CREB5: variants seen among roughly 807,000 people sequenced by gnomAD.
CREB5 encodes cyclic AMP-responsive element-binding protein 5.
Under a neutral mutation model 57.1 loss-of-function variants are expected in CREB5, and 19 were observed. The ratio of observed to expected loss-of-function variants is 0.33; its 90% CI spans 0.23 to 0.49. The LOEUF (loss-of-function observed/expected upper bound fraction) is 0.49, where lower values mean the gene tolerates loss of function less well. CREB5 is among the 20% of genes least tolerant of loss of function. The pLI is 0.99. For missense variants in CREB5, 579 were observed against 671.6 expected (o/e 0.86, Z 1.52); for synonymous variants, 238 against 238.3 (o/e 1.00, Z 0.01).
Position 28,455,571 on chromosome 7 carries a change from A to T in CREB5, c.4-32604A>T, listed in dbSNP as rs183567021. On this transcript the variant is annotated intron_variant, in intron 1 of 10. Coordinates refer to ENST00000357727, the MANE Select transcript of CREB5 (RefSeq NM_182898.4). ...AGTGGCAAGAGATTCAGAATCACAG[A>T]TAGGTATGAGCCTGGCAGAGGATAC... Among the ~76,000 whole-genome samples the T allele has an allele frequency of 5.3e-5, 8 of 152,342 alleles. No individual in the cohort carries two copies. In the East Asian group the frequency reaches 1.2e-3, roughly 22 times the overall value.
In CREB5 at chr7:28,608,966, C is replaced by T. The variant is rs148646696; in HGVS notation, c.464+38429C>T. 5 of 152,276 alleles carry T rather than the reference C, an allele frequency of 3.3e-5. No individual in the cohort carries two copies. The East Asian group carries it at 5.8e-4, about 18-fold the overall frequency. The allele number at this position is 152,276 out of a possible 1,614,324, so 9.4% of individuals were successfully genotyped here. On this transcript the variant is annotated intron_variant, in intron 5 of 10. Coordinates refer to ENST00000357727, the MANE Select transcript of CREB5 (RefSeq NM_182898.4). ...TAGCGATTAGTCATCAGTGTTCATT[C>T]GTGATCTATGACCTGCTTGTATATC...
chr7:28,669,184 T>A (rs1214133150), intron 5 of CREB5, among the ~76,000 whole-genome samples: 2 of 152,174 alleles, frequency 1.3e-5, no homozygotes, highest in Non-Finnish European at 2.9e-5. Flanking sequence ...GTAGGGAAGA[T>A]CAAGATGTAT....
chr7:28,306,568 T>TTGTTTG (rs1785190996), intron 1 of CREB5, among the ~76,000 whole-genome samples: 6 of 132,780 alleles, frequency 4.5e-5, no homozygotes, highest in Admixed American at 2.3e-4. Context: ...TTTTTTTTTT[T>TTGTTTG]TTTTTTTTTT....
intron 7 of CREB5, among the ~76,000 whole-genome samples, chr7:28,791,158 C>A (rs978012800): frequency 6.6e-6 from 1 of 152,096 alleles, no homozygotes; most frequent in Admixed American, 6.5e-5. Context: ...GTGGACAATT[C>A]TCCAAAAAAA....
At chr7:28,421,126 A>G (rs954938367) in intron 1 of CREB5, among the ~76,000 whole-genome samples, 9 of 152,114 alleles carry the variant, frequency 5.9e-5, no homozygotes, top group Non-Finnish European at 8.8e-5. Flanking sequence ...GGTGATTCCT[A>G]TTCCTCCCCC....
At position 28,516,438 on chromosome 7, in the gene CREB5, T is replaced by G. The variant is rs150001415; in HGVS notation, c.291+8701T>G. Among the ~76,000 whole-genome samples the G allele has an allele frequency of 1.4e-4, 22 of 152,236 alleles. No individual in the cohort carries two copies. In the East Asian group the frequency reaches 4.1e-3, roughly 28 times the overall value. ...TCAGTTAATCCTGGTGCTACAACATTGGGACTGAAGTGGGGGCAATAAATG... is the reference window on the plus strand; with the variant it reads ...TCAGTTAATCCTGGTGCTACAACATGGGGACTGAAGTGGGGGCAATAAATG... On this transcript the variant is annotated intron_variant, in intron 4 of 10. Coordinates refer to ENST00000357727, the MANE Select transcript of CREB5 (RefSeq NM_182898.4).
intron 6 of CREB5, among the ~76,000 whole-genome samples, chr7:28,721,931 C>T (rs1346309409): frequency 6.6e-6 from 1 of 152,224 alleles, no homozygotes; most frequent in Non-Finnish European, 1.5e-5. Flanking sequence ...GCTATTTTAC[C>T]TGCAGTGCTA....
chr7:28,489,726 T>A (rs369484322), intron 2 of CREB5, among the ~76,000 whole-genome samples: 1 of 152,138 alleles, frequency 6.6e-6, no homozygotes, highest in East Asian at 1.9e-4. Flanking sequence ...ACAACCAGAG[T>A]CCTTTGCTCA....
At chr7:28,543,772 A>T (rs1160999927) in intron 4 of CREB5, among the ~76,000 whole-genome samples, 2 of 151,822 alleles carry the variant, frequency 1.3e-5, no homozygotes, top group Admixed American at 6.6e-5. Context: ...TGCAAATGTT[A>T]TCACAGTGCC....
intron 1 of CREB5, among the ~76,000 whole-genome samples, chr7:28,330,109 C>A (rs6977728): frequency 0.21 from 31,916 of 152,128 alleles, 3,481 homozygotes; most frequent in Non-Finnish European, 0.24. Context: ...CCACAGGTTT[C>A]AAAGGACATC....
chr7:28,370,049 G>C (rs564700699), intron 1 of CREB5, among the ~76,000 whole-genome samples: 4 of 152,216 alleles, frequency 2.6e-5, no homozygotes, highest in African/African-American at 2.4e-5. Flanking sequence ...AAAACCCATA[G>C]CTAGAAGTGA....
chr7:28,652,064 TAAAATAGCC>T (rs1301778227), intron 5 of CREB5, among the ~76,000 whole-genome samples: 47 of 152,306 alleles, frequency 3.1e-4, no homozygotes, highest in Admixed American at 5.2e-4. Flanking sequence ...ACAAATGTGT[TAAAATAGCC>T]AAATTATAAA....
At chr7:28,524,357 ACACG>A (rs1454007390) in intron 4 of CREB5, among the ~76,000 whole-genome samples, 1 of 144,940 alleles carries the variant, frequency 6.9e-6, no homozygotes, top group African/African-American at 2.7e-5. Flanking sequence ...ACACACACAC[ACACG>A]GCAGATGTGG....
chr7:28,367,990 C>T (rs188827826), intron 1 of CREB5, among the ~76,000 whole-genome samples: 67 of 152,260 alleles, frequency 4.4e-4, no homozygotes, highest in African/African-American at 1.6e-3. Context: ...TTCATTCTGC[C>T]ATACCCCACC....
At position 28,611,379 on chromosome 7, in the gene CREB5, C is replaced by T. The variant is rs200046007; in HGVS notation, c.464+40842C>T. Among the ~76,000 whole-genome samples the T allele has an allele frequency of 2.7e-5, 4 of 149,656 alleles. No homozygotes were observed. The East Asian group carries it at 8.0e-4, about 30-fold the overall frequency. On this transcript the variant is annotated intron_variant, in intron 5 of 10. Coordinates refer to ENST00000357727, the MANE Select transcript of CREB5 (RefSeq NM_182898.4). ...ACATATGCCAGGTAGAGGCCGGGCA[C>T]AGTGGCTCACACCTGTAATCCCAGC...
At chr7:28,601,169 A>ATT (rs577879373) in intron 5 of CREB5, among the ~76,000 whole-genome samples, 2 of 144,878 alleles carry the variant, frequency 1.4e-5, no homozygotes, top group African/African-American at 5.1e-5. Context: ...TATTATTATT[A>ATT]TTTTTTTTTT....
intron 9 of CREB5, among the ~76,000 whole-genome samples, chr7:28,815,529 C>T (rs1809387341): frequency 6.6e-6 from 1 of 152,150 alleles, no homozygotes; most frequent in Non-Finnish European, 1.5e-5. Flanking sequence ...GACTAGTGCT[C>T]TTTTTATAGT....
chr7:28,450,275 A>G (rs1201694667), intron 1 of CREB5, among the ~76,000 whole-genome samples: 1 of 152,166 alleles, frequency 6.6e-6, no homozygotes, highest in African/African-American at 2.4e-5. Context: ...TACTTATAAT[A>G]TGCCTAGCTG....
intron 6 of CREB5, 129 bp downstream of exon 6, chr7:28,719,008 G>A: frequency 6.9e-7 from 1 of 1,440,548 alleles, no homozygotes; most frequent in Non-Finnish European, 9.3e-7. Context: ...ATGGAGGGTT[G>A]AGCTGTGTGC....
Sources: allele counts gnomAD v4.1 joint callset (sites outside exome capture counted in the v4.1 genomes callset), GRCh38; gene constraint gnomAD v4.1.1; transcripts MANE v1.5; gene names NCBI Gene and HGNC (gene_info 2026-07-23, HGNC 2026-07-21).